GEMIN8: variants seen among roughly 807,000 people sequenced by gnomAD.
GEMIN8 encodes gem-associated protein 8.
For synonymous variants in GEMIN8, 80 were observed against 78.5 expected, an observed-to-expected ratio of 1.02 and a Z score of -0.10; for missense variants, 185 against 205.9, an observed-to-expected ratio of 0.90 and a Z score of 0.62.
chrX:13,999,850 A>G, the GEMIN8 span, among the ~76,000 whole-genome samples: 1 of 111,842 alleles, frequency 8.9e-6, no homozygotes, highest in Non-Finnish European at 1.9e-5. Context: ...TCATCATATC[A>G]TATCAGGTTG....
At chrX:14,010,384 T>C (rs1353731544) in intron 4 of GEMIN8, among the ~76,000 whole-genome samples, 1 of 111,707 alleles carries the variant, frequency 9.0e-6, no homozygotes, top group Admixed American at 9.6e-5. Context: ...AAGAGAGAAA[T>C]TGACAGCAGG....
At chrX:13,996,933 CTTTTTT>C in the GEMIN8 span, among the ~76,000 whole-genome samples, 2 of 66,895 alleles carry the variant, frequency 3.0e-5, no homozygotes, top group African/African-American at 1.3e-4. Flanking sequence ...TGTGGCTTGT[CTTTTTT>C]TTTTTTTTTT....
intron 4 of GEMIN8, among the ~76,000 whole-genome samples, chrX:14,017,074 T>C (rs1311760578): frequency 9.2e-6 from 1 of 108,598 alleles, no homozygotes; most frequent in Non-Finnish European, 1.9e-5. Flanking sequence ...TCATGGATTC[T>C]TCACAATTAC....
intron 2 of GEMIN8, among the ~76,000 whole-genome samples, chrX:14,025,595 A>G (rs1924645962): frequency 8.9e-6 from 1 of 111,908 alleles, no homozygotes; most frequent in African/African-American, 3.2e-5. Context: ...AGACTAGTGG[A>G]GGCAAGAAAA....
rs746298044 is a variant in GEMIN8, at chrX:14,007,409, C to T, written c.*1504G>A. Among the ~76,000 whole-genome samples, 38 of 112,609 alleles carry T rather than the reference C, an allele frequency of 3.4e-4. No homozygotes were observed. The highest frequency in any genetic ancestry group is 5.6e-4 in the Non-Finnish European group (30 of 53,329). ...GGCTTTTATAAATGACCTGCTCCAT[C>T]AGCTTTTAGATTTCATTTTCAGAAA... On this transcript the variant is annotated 3_prime_UTR_variant, in exon 5 of 5. Coordinates refer to ENST00000680255, the MANE Select transcript of GEMIN8 (RefSeq NM_001042479.2).
In GEMIN8 at chrX:14,008,989, G is replaced by A. The variant is rs763460989; in HGVS notation, c.653C>T (p.Ala218Val). 1.2e-5 allele frequency: 15 copies of A among 1,210,512 alleles called. No individual in the cohort carries two copies. In the Middle Eastern group the frequency reaches 1.2e-3, roughly 93 times the overall value. ...GTGCTTGTCAAAGCTCAGCTGCACCGCGGCCTCCATGGCTTGGATCTTGGC... is the reference window on the plus strand; with the variant it reads ...GTGCTTGTCAAAGCTCAGCTGCACCACGGCCTCCATGGCTTGGATCTTGGC... ...SAAKIQAMEA[A>V]VQLSFDKHCD... is the part of the protein sequence containing the mutation. The change falls in exon 5 of 5, where the codon GCG (alanine) becomes GTG (valine). Residue 218 changes from alanine (A) to valine (V), a missense_variant. Physicochemically the swap from Ala to Val is moderately conservative, Grantham distance 64. Coordinates refer to ENST00000680255, the MANE Select transcript of GEMIN8 (RefSeq NM_001042479.2).
chrX:14,020,351 C>A lies in GEMIN8; in HGVS notation c.199G>T (p.Asp67Tyr). Residue 67 changes from aspartate (D) to tyrosine (Y), a missense_variant, in exon 4 of 5, where the codon GAT (aspartate) becomes TAT (tyrosine). Physicochemically the swap from Asp to Tyr is radical, Grantham distance 160. Coordinates refer to ENST00000680255, the MANE Select transcript of GEMIN8 (RefSeq NM_001042479.2). ...GACTGAGGATACGCAGCCTCATTAT[C>A]GTAAGAGCTTTGGGGAAGAAGCGCA... Reference protein sequence around the residue: ...PSALLPQSSYDNEAAYPQSFY... With the variant: ...PSALLPQSSYYNEAAYPQSFY... The A allele has an allele frequency of 8.3e-7, 1 of 1,210,706 alleles. No homozygotes were observed. The highest frequency in any genetic ancestry group is 1.7e-5 in the African/African-American group (1 of 57,706).
the GEMIN8 span, among the ~76,000 whole-genome samples, chrX:14,001,281 A>G: frequency 8.9e-6 from 1 of 112,138 alleles, no homozygotes; most frequent in African/African-American, 3.2e-5. Flanking sequence ...GAAATAGTTC[A>G]GTGTCTTTAA....
chrX:14,014,571 T>C, intron 4 of GEMIN8: 1 of 731,534 alleles, frequency 1.4e-6, no homozygotes, highest in Non-Finnish European at 1.6e-6. Context: ...ATGTCAGGAT[T>C]GTGCTCAATC....
At chrX:13,994,358 A>G in the GEMIN8 span, among the ~76,000 whole-genome samples, 1 of 110,727 alleles carries the variant, frequency 9.0e-6, no homozygotes, top group East Asian at 2.8e-4. Context: ...CCCAGACTCA[A>G]CTCCCACACA....
intron 4 of GEMIN8, 104 bp from the exon 5 acceptor site, chrX:14,009,273 C>T (rs1923367767): frequency 1.3e-6 from 1 of 781,066 alleles, no homozygotes. Context: ...TCTGCAGCCC[C>T]CTAAGGTCCC....
At position 14,028,937 on chromosome X, in the gene GEMIN8, GTGTTGCGTTACTAATC is replaced by G. The variant is rs1247315796; in HGVS notation, c.-116+824_-116+839del. Among the ~76,000 whole-genome samples the G allele has an allele frequency of 2.0e-4, 23 of 112,355 alleles. No homozygotes were observed. The East Asian group carries it at 6.4e-3, about 31-fold the overall frequency. ...GCTGTGAGCATAAATAATCCTAGAAGTGTTGCGTTACTAATCTTTAGTCTAGATTTTTTAAGTAATA... is the reference window on the plus strand; with the variant it reads ...GCTGTGAGCATAAATAATCCTAGAAGTTTAGTCTAGATTTTTTAAGTAATA... On this transcript the variant is annotated intron_variant, in intron 1 of 4. Coordinates refer to ENST00000680255, the MANE Select transcript of GEMIN8 (RefSeq NM_001042479.2).
chrX:14,004,795 T>G (rs1245709982), downstream of GEMIN8, among the ~76,000 whole-genome samples: 2 of 111,794 alleles, frequency 1.8e-5, no homozygotes, highest in African/African-American at 6.5e-5. Flanking sequence ...ACTCCTGGCC[T>G]CAAGCAATCC....
At chrX:14,009,824 G>C (rs1256139517) in intron 4 of GEMIN8, among the ~76,000 whole-genome samples, 1 of 111,635 alleles carries the variant, frequency 9.0e-6, no homozygotes, top group African/African-American at 3.3e-5. Flanking sequence ...GAGGTGATGT[G>C]GGGGGAAAAA....
chrX:13,994,510 G>A, the GEMIN8 span, among the ~76,000 whole-genome samples: 1 of 112,526 alleles, frequency 8.9e-6, no homozygotes, highest in African/African-American at 3.2e-5. Flanking sequence ...ATAATGTTTG[G>A]TGTAATATCC....
the GEMIN8 span, among the ~76,000 whole-genome samples, chrX:13,988,387 T>C: frequency 8.1e-5 from 9 of 110,479 alleles, no homozygotes; most frequent in Non-Finnish European, 1.7e-4. Flanking sequence ...CTCCTGAGCA[T>C]GAGGCTTTCG....
chrX:14,009,103 C>T lies in GEMIN8; in HGVS notation c.539G>A (p.Cys180Tyr), dbSNP rs764880508. ...GGCTTCTACCGACCGGCGGGTGTTGCAGTACAGGTCGTGGTCAGCGTTCAC... is the reference window on the plus strand; with the variant it reads ...GGCTTCTACCGACCGGCGGGTGTTGTAGTACAGGTCGTGGTCAGCGTTCAC... ...SYVNADHDLY[C>Y]NTRRSVEAPT... Residue 180 changes from cysteine (C) to tyrosine (Y), a missense_variant, in exon 5 of 5, where the codon TGC (cysteine) becomes TAC (tyrosine). Transcript: ENST00000680255. The T allele has an allele frequency of 4.3e-5, 52 of 1,209,397 alleles. No homozygotes were observed. The highest frequency in any genetic ancestry group is 2.3e-4 in the Middle Eastern group (1 of 4,367).
chrX:14,012,123 C>T (rs1298952244), intron 4 of GEMIN8, among the ~76,000 whole-genome samples: 1 of 108,376 alleles, frequency 9.2e-6, no homozygotes, highest in African/African-American at 3.3e-5. Context: ...ATTCAGGCTT[C>T]CTCATGAATT....
At chrX:14,025,514 GT>G (rs1206012667) in intron 2 of GEMIN8, among the ~76,000 whole-genome samples, 1 of 111,455 alleles carries the variant, frequency 9.0e-6, no homozygotes, top group Non-Finnish European at 1.9e-5. Flanking sequence ...TTGTTCCTCA[GT>G]TTCCACTTGG....
Sources: allele counts gnomAD v4.1 joint callset (sites outside exome capture counted in the v4.1 genomes callset), GRCh38; gene constraint gnomAD v4.1.1; transcripts MANE v1.5; gene names NCBI Gene and HGNC (gene_info 2026-07-23, HGNC 2026-07-21).